The following ICOS variants were observed in gnomAD, a reference collection of about 807,000 sequenced individuals.
The protein encoded by ICOS is inducible T cell costimulator.
Under a neutral mutation model 24.6 loss-of-function variants are expected in ICOS, and 15 were observed. The observed-to-expected ratio is 0.61, with a 90% CI of 0.41 to 0.94. The LOEUF is 0.94. Ranked by LOEUF, ICOS falls within the 40% of genes least tolerant of loss-of-function variation. The probability of loss-of-function intolerance (pLI) is 0.00; values close to 1 mark genes in which losing one functional copy is unlikely to be tolerated. For missense variants in ICOS, 200 were observed against 233.0 expected (o/e 0.86, Z 0.92); for synonymous variants, 89 against 77.5 (o/e 1.15, Z -0.78).
rs192663476 is a variant in ICOS, at chr2:203,954,038, A to G, written c.59-1598A>G. ...CATAGTTTTCTCAAAAACAAAGACC[A>G]AGATTTCAAAACTTAGGAAAAAACC... On this transcript the variant is annotated intron_variant, in intron 1 of 4. Transcript: ENST00000316386. Among the ~76,000 whole-genome samples the G allele has an allele frequency of 4.8e-3, 738 of 152,312 alleles. 2 individuals are homozygous for G. The highest frequency in any genetic ancestry group is 9.8e-3 in the Admixed American group (150 of 15,294).
Position 203,955,938 on chromosome 2 carries a change from G to A in ICOS, c.361G>A (p.Val121Ile). Residue 121 changes from valine to isoleucine, a missense_variant, in exon 2 of 5, where the codon GTA becomes ATA. Coordinates refer to ENST00000316386, the MANE Select transcript of ICOS (RefSeq NM_012092.4). ...LSIFDPPPFK[V>I]TLTGGYLHIY... ...AATTTTTGATCCTCCTCCTTTTAAA[G>A]TAACTCTTACAGGAGGATATTTGCA... 1 of 1,611,986 alleles carries A rather than the reference G, an allele frequency of 6.2e-7. No homozygotes were observed. Among genetic ancestry groups the A allele is most frequent in the Non-Finnish European group, 8.5e-7 (1 of 1,178,546 alleles).
intron 1 of ICOS, among the ~76,000 whole-genome samples, chr2:203,949,566 A>G (rs1455321087): frequency 6.6e-6 from 1 of 152,214 alleles, no homozygotes; most frequent in Non-Finnish European, 1.5e-5. Flanking sequence ...GATGCCTGAA[A>G]CATGAAGTGT....
chr2:203,946,947 G>A (rs751823811), intron 1 of ICOS, among the ~76,000 whole-genome samples: 12 of 152,150 alleles, frequency 7.9e-5, no homozygotes, highest in Admixed American at 7.2e-4. Context: ...TATCTTGCAC[G>A]CTCTGCACTG....
At chr2:203,943,325 AT>A (rs71007563) in intron 1 of ICOS, among the ~76,000 whole-genome samples, 1 of 149,502 alleles carries the variant, frequency 6.7e-6, no homozygotes, top group Admixed American at 6.6e-5. Flanking sequence ...TGTTCTTCAG[AT>A]TTTTTTTTTG....
intron 3 of ICOS, among the ~76,000 whole-genome samples, chr2:203,957,178 T>C (rs1690091699): frequency 6.6e-6 from 1 of 152,204 alleles, no homozygotes; most frequent in Admixed American, 6.5e-5. Context: ...AAACAATTAG[T>C]TATAAGTTTT....
At chr2:203,941,479 T>TA (rs568979489) in intron 1 of ICOS, among the ~76,000 whole-genome samples, 16 of 152,288 alleles carry the variant, frequency 1.1e-4, no homozygotes, top group South Asian at 8.3e-4. Context: ...TTATTTGGCT[T>TA]AAAAAAATTC....
intron 1 of ICOS, among the ~76,000 whole-genome samples, chr2:203,947,439 G>C (rs1689892884): frequency 2.0e-5 from 3 of 152,066 alleles, no homozygotes; most frequent in African/African-American, 7.2e-5. Context: ...CTCCTGAGTA[G>C]CTGGGATTAC....
intron 2 of ICOS, 44 bp from the exon 3 acceptor site, chr2:203,956,615 G>T (rs764474028): frequency 1.5e-6 from 2 of 1,329,430 alleles, no homozygotes; most frequent in Non-Finnish European, 2.2e-6. Context: ...AGAACTTGTG[G>T]TTCAGCAGAA....
intron 4 of ICOS, 62 bp downstream of exon 4, chr2:203,957,945 TA>T: frequency 9.9e-7 from 1 of 1,014,084 alleles, no homozygotes; most frequent in Non-Finnish European, 1.5e-6. Context: ...CCTGGAATGT[TA>T]ATTTTTTTTT....
chr2:203,945,770 TA>T (rs1689856270), intron 1 of ICOS, among the ~76,000 whole-genome samples: 1 of 152,350 alleles, frequency 6.6e-6, no homozygotes, highest in East Asian at 1.9e-4. Flanking sequence ...ACATGTCATT[TA>T]TGCAGCGCAT....
chr2:203,959,813 C>T lies in ICOS; in HGVS notation c.*214C>T. The T allele has an allele frequency of 1.6e-6, 1 of 622,594 alleles. No individual in the cohort carries two copies. The highest frequency in any genetic ancestry group is 2.8e-5 in the East Asian group (1 of 35,314). 38.6% of individuals were successfully genotyped at this position (622,594 alleles called of 1,614,324 possible). A position where few individuals can be genotyped will look rare whatever the true frequency, so the allele number is the denominator to read the frequency against. ...GCCGAGTCCTCTCAAAACAAACACC[C>T]TCTTGCAACCAGCTTTGGAGAAAGC... On this transcript the variant is annotated 3_prime_UTR_variant, in exon 5 of 5. Transcript: ENST00000316386.
At position 203,956,720 on chromosome 2, in the gene ICOS, A is replaced by G. The variant is rs201989492; in HGVS notation, c.456A>G (p.Val152=). 4 of 1,613,544 alleles carry G rather than the reference A, an allele frequency of 2.5e-6. No individual in the cohort carries two copies. The highest frequency in any genetic ancestry group is 2.2e-5 in the East Asian group (1 of 44,860). The part of the protein sequence containing the change: ...WLPIGCAAFV[V]VCILGCILIC... ...CCATAGGATGTGCAGCCTTTGTTGT[A>G]GTCTGCATTTTGGGATGCATACTTA... is the stretch of plus-strand genomic sequence containing the variant. Residue 152 remains valine (V), a synonymous_variant, in exon 3 of 5, where the codon GTA becomes GTG. Coordinates refer to ENST00000316386, the MANE Select transcript of ICOS (RefSeq NM_012092.4).
At chr2:203,955,547 T>C in intron 1 of ICOS, 89 bp from the exon 2 acceptor site, 1 of 1,012,454 alleles carries the variant, frequency 9.9e-7, no homozygotes, top group Non-Finnish European at 1.5e-6. Flanking sequence ...ACTTTATGCA[T>C]TGAATAAATT....
intron 1 of ICOS, among the ~76,000 whole-genome samples, chr2:203,942,365 T>C (rs1689793724): frequency 6.6e-6 from 1 of 152,262 alleles, no homozygotes; most frequent in African/African-American, 2.4e-5. Context: ...AATTTACTTC[T>C]ATATGTGAAT....
In ICOS at chr2:203,957,881, C is replaced by G; in HGVS notation, c.584C>G (p.Thr195Arg). The G allele has an allele frequency of 6.3e-7, 1 of 1,590,930 alleles. No individual in the cohort carries two copies. The highest frequency in any genetic ancestry group is 8.6e-7 in the Non-Finnish European group (1 of 1,159,160). ...AVNTAKKSRL[T>R]DVTL is the part of the protein sequence containing the mutation. ...AACACAGCCAAAAAATCTAGACTCA[C>G]AGGTATGACTCCATTTGGGGGTTTG... Residue 195 changes from threonine (T) to arginine (R), a missense_variant and splice_region_variant, in exon 4 of 5, where the codon ACA becomes AGA. Coordinates refer to ENST00000316386, the MANE Select transcript of ICOS (RefSeq NM_012092.4).
At chr2:203,956,549 T>C in intron 2 of ICOS, 110 bp from the exon 3 acceptor site, 2 of 791,650 alleles carry the variant, frequency 2.5e-6, no homozygotes, top group Admixed American at 1.8e-5. Flanking sequence ...CTGGATTTCA[T>C]GACTATAATA....
At chr2:203,951,780 G>A (rs558423386) in intron 1 of ICOS, among the ~76,000 whole-genome samples, 28 of 152,236 alleles carry the variant, frequency 1.8e-4, no homozygotes, top group African/African-American at 5.5e-4. Flanking sequence ...CTGAGAACCC[G>A]TCCACTGATT....
At chr2:203,959,455 A>AAT (rs1553499798) in intron 4 of ICOS, 131 bp from the exon 5 acceptor site, 2 of 718,740 alleles carry the variant, frequency 2.8e-6, no homozygotes, top group African/African-American at 1.8e-5. Context: ...TGTGTGTGTG[A>AAT]GTGTGTGTGT....
intron 1 of ICOS, among the ~76,000 whole-genome samples, chr2:203,942,969 C>A (rs1402314515): frequency 1.3e-5 from 2 of 152,146 alleles, no homozygotes; most frequent in Admixed American, 1.3e-4. Context: ...AGCATTTCAC[C>A]TTTCTAAAAT....
Sources: gnomAD v4.1 joint callset for allele counts (sites outside exome capture counted in the v4.1 genomes callset) on GRCh38, gnomAD v4.1.1 for gene constraint, MANE v1.5 for transcripts, NCBI Gene and HGNC (gene_info 2026-07-23, HGNC 2026-07-21) for gene names.